RPA3: variants seen among roughly 807,000 people sequenced by gnomAD.
The protein encoded by RPA3 is replication protein A 14 kDa subunit.
A neutral mutation model predicts 13.7 loss-of-function variants in RPA3; 24 were observed. That is an observed-to-expected ratio of 1.75 (90% CI 1.27 to 2.46). The LOEUF is 2.46. Ranked by LOEUF, RPA3 falls within the 30% of genes most tolerant of loss-of-function variation. The probability of loss-of-function intolerance (pLI) is 0.00; values close to 1 mark genes in which losing one functional copy is unlikely to be tolerated. For missense variants in RPA3, 183 were observed against 151.0 expected (o/e 1.21, Z -1.11); for synonymous variants, 59 against 51.2 (o/e 1.15, Z -0.65).
At chr7:7,718,126 G>A (rs1780963846) in intron 1 of RPA3, among the ~76,000 whole-genome samples, 1 of 152,154 alleles carries the variant, frequency 6.6e-6, no homozygotes. Flanking sequence ...TTTTAGATCA[G>A]ATAAGAAAGT....
At chr7:7,696,051 G>A (rs1347437389) in intron 2 of RPA3, among the ~76,000 whole-genome samples, 2 of 149,978 alleles carry the variant, frequency 1.3e-5, no homozygotes, top group Non-Finnish European at 3.0e-5. Context: ...TGTTGCCCAG[G>A]CTGGATTACA....
chr7:7,639,482 T>C (rs1365697699), intron 5 of RPA3, among the ~76,000 whole-genome samples: 1 of 152,172 alleles, frequency 6.6e-6, no homozygotes, highest in Non-Finnish European at 1.5e-5. Context: ...AGACAGTACA[T>C]ATCCCACGGA....
At chr7:7,702,886 C>T (rs1299818125) in intron 2 of RPA3, among the ~76,000 whole-genome samples, 3 of 152,174 alleles carry the variant, frequency 2.0e-5, no homozygotes, top group Non-Finnish European at 4.4e-5. Flanking sequence ...TTGCTTCACC[C>T]ACCTGTACAA....
At chr7:7,683,598 C>G (rs972156851) in intron 4 of RPA3, among the ~76,000 whole-genome samples, 1 of 151,878 alleles carries the variant, frequency 6.6e-6, no homozygotes, top group African/African-American at 2.4e-5. Context: ...CATACATGAT[C>G]CTATGAAATG....
intron 1 of RPA3, 21 bp downstream of exon 1, chr7:7,718,494 C>T (rs1251045836): frequency 2.0e-5 from 3 of 152,130 alleles, no homozygotes; most frequent in African/African-American, 7.2e-5. Context: ...ATGTATCCAA[C>T]AAATTCAAAC....
chr7:7,639,877 CAA>C (rs1784925169), intron 5 of RPA3: 1 of 195,018 alleles, frequency 5.1e-6, no homozygotes, highest in African/African-American at 2.4e-5. Context: ...CTACGGGACC[CAA>C]AGCGGACAAC....
intron 4 of RPA3, among the ~76,000 whole-genome samples, chr7:7,674,160 A>G (rs1441623997): frequency 6.6e-6 from 1 of 152,156 alleles, no homozygotes; most frequent in Non-Finnish European, 1.5e-5. Context: ...ATCCTTTTCC[A>G]TGCTGGACCT....
intron 5 of RPA3, 195 bp downstream of exon 5, chr7:7,640,125 T>A: frequency 3.3e-6 from 2 of 608,300 alleles, no homozygotes; most frequent in South Asian, 3.8e-5. Context: ...GAAAACACTT[T>A]GTTTCCGTGC....
intron 4 of RPA3, among the ~76,000 whole-genome samples, chr7:7,652,169 A>C (rs981286377): frequency 5.9e-5 from 9 of 152,196 alleles, no homozygotes; most frequent in African/African-American, 1.9e-4. Context: ...AGTATTTTCC[A>C]CATCTTCTTT....
At chr7:7,661,798 G>T (rs1785481388) in intron 4 of RPA3, among the ~76,000 whole-genome samples, 1 of 152,180 alleles carries the variant, frequency 6.6e-6, no homozygotes, top group African/African-American at 2.4e-5. Context: ...GGACCCACTT[G>T]AGGAGGCAGT....
chr7:7,666,774 C>A (rs1452104925), intron 4 of RPA3, among the ~76,000 whole-genome samples: 2 of 151,890 alleles, frequency 1.3e-5, no homozygotes, highest in Non-Finnish European at 2.9e-5. Context: ...GGAATTTTCT[C>A]CCATTTTTGT....
intron 4 of RPA3, among the ~76,000 whole-genome samples, chr7:7,661,009 GTT>G (rs140344078): frequency 4.6e-5 from 7 of 150,564 alleles, no homozygotes; most frequent in East Asian, 1.9e-4. Flanking sequence ...CCTTTTGATT[GTT>G]TTTTTTTTGT....
In RPA3 at chr7:7,688,559, A is replaced by C. The variant is rs912841399; in HGVS notation, c.-1027-1231T>G. Among the ~76,000 whole-genome samples the C allele has an allele frequency of 6.6e-5, 10 of 152,318 alleles. No individual in the cohort carries two copies. In the South Asian group the frequency reaches 2.1e-3, roughly 32 times the overall value. The stretch of plus-strand genomic sequence containing the variant: ...GTGTCGTGTTCAGTGTCAAGATCTC[A>C]GATGAAATCTGTCTCGAGGCTTCCT... On this transcript the variant is annotated intron_variant, in intron 2 of 7. Coordinates refer to ENST00000223129, the MANE Select transcript of RPA3 (RefSeq NM_002947.5).
intron 2 of RPA3, among the ~76,000 whole-genome samples, chr7:7,703,858 C>T (rs879890022): frequency 2.6e-5 from 4 of 151,992 alleles, no homozygotes; most frequent in Non-Finnish European, 5.9e-5. Flanking sequence ...AGGAGGATTG[C>T]TTGAGCCTGG....
chr7:7,712,576 A>T (rs1321279949), intron 2 of RPA3, among the ~76,000 whole-genome samples: 1 of 152,172 alleles, frequency 6.6e-6, no homozygotes, highest in Non-Finnish European at 1.5e-5. Context: ...CCCATAATTC[A>T]TCTTTAGATT....
At chr7:7,651,972 T>C (rs1563085431) in intron 4 of RPA3, among the ~76,000 whole-genome samples, 2 of 152,144 alleles carry the variant, frequency 1.3e-5, no homozygotes. Context: ...CTCTCTCCCC[T>C]TGCAAGAGCT....
chr7:7,654,945 G>A (rs1006415767), intron 4 of RPA3, among the ~76,000 whole-genome samples: 25 of 151,660 alleles, frequency 1.6e-4, no homozygotes, highest in African/African-American at 6.0e-4. Context: ...TTGTTGTACT[G>A]TTTTTTATTT....
At chr7:7,704,053 G>A (rs1442515002) in intron 2 of RPA3, among the ~76,000 whole-genome samples, 1 of 152,204 alleles carries the variant, frequency 6.6e-6, no homozygotes, top group Non-Finnish European at 1.5e-5. Flanking sequence ...TACTTTGATG[G>A]AATCCCAGAC....
At chr7:7,662,099 G>A (rs1289646268) in intron 4 of RPA3, among the ~76,000 whole-genome samples, 1 of 152,142 alleles carries the variant, frequency 6.6e-6, no homozygotes, top group African/African-American at 2.4e-5. Context: ...CGGCATCTTT[G>A]TTTACACTGT....
Sources: gnomAD v4.1 joint callset for allele counts (sites outside exome capture counted in the v4.1 genomes callset) on GRCh38, gnomAD v4.1.1 for gene constraint, MANE v1.5 for transcripts, NCBI Gene and HGNC (gene_info 2026-07-23, HGNC 2026-07-21) for gene names.